DOCK7: variants seen among roughly 807,000 people sequenced by gnomAD.
DOCK7 encodes dedicator of cytokinesis protein 7.
In DOCK7, 138 loss-of-function variants were observed where a neutral mutation model predicts 271.0. The ratio of observed to expected loss-of-function variants is 0.51; its 90% CI spans 0.44 to 0.59. The LOEUF is 0.59. Among genes scored for constraint, DOCK7 ranks in the 20% least tolerant of loss-of-function variants. The pLI is 0.00. For missense variants in DOCK7, 2,066 were observed against 2,592.4 expected (o/e 0.80, Z 4.41); for synonymous variants, 823 against 876.1 (o/e 0.94, Z 1.07).
intron 14 of DOCK7, among the ~76,000 whole-genome samples, chr1:62,617,458 G>A (rs938137074): frequency 6.6e-6 from 1 of 151,930 alleles, no homozygotes; most frequent in African/African-American, 2.4e-5. Flanking sequence ...AAATAAGATA[G>A]CCAAATTAGT....
At chr1:62,653,682 C>A in intron 4 of DOCK7, 43 bp downstream of exon 4, 1 of 1,252,108 alleles carries the variant, frequency 8.0e-7, no homozygotes, top group Non-Finnish European at 1.2e-6. Context: ...ATTTAGAAAT[C>A]TTACTCAATA....
At chr1:62,520,774 A>G (rs1348849323) in intron 31 of DOCK7, among the ~76,000 whole-genome samples, 1 of 152,214 alleles carries the variant, frequency 6.6e-6, no homozygotes, top group East Asian at 1.9e-4. Context: ...AAGGATTATA[A>G]ATCATTCTAC....
At position 62,688,334 on chromosome 1, in the gene DOCK7, T is replaced by A. The variant is rs1557915874; in HGVS notation, c.-70A>T. ...GGGTGCGGACCGGCGGGCGCGTGCC[T>A]CCTCGCTCGTGCTCCCTCCCTCGCG... On this transcript the variant is annotated 5_prime_UTR_variant, in exon 1 of 50. Transcript: ENST00000635253. The A allele has an allele frequency of 1.9e-6, 2 of 1,042,472 alleles. No individual in the cohort carries two copies. Among genetic ancestry groups the A allele is most frequent in the Non-Finnish European group, 1.2e-6 (1 of 830,872 alleles). The allele number at this position is 1,042,472 out of a possible 1,614,324, so 64.6% of individuals were successfully genotyped here.
chr1:62,648,933 C>T (rs1185374691), intron 4 of DOCK7, among the ~76,000 whole-genome samples: 1 of 152,012 alleles, frequency 6.6e-6, no homozygotes, highest in Non-Finnish European at 1.5e-5. Flanking sequence ...AGGTTATATA[C>T]ATATAAAGCA....
At position 62,583,880 on chromosome 1, in the gene DOCK7, A is replaced by C. The variant is rs11207995; in HGVS notation, c.1801-626T>G. On this transcript the variant is annotated intron_variant, in intron 15 of 49. Transcript: ENST00000635253. Reference sequence around the variant, plus strand: ...TATAGATAAAGTAATTCAGCCTTGTATATCTGTCTCTTGACTTCTGGAGTA... The same window carrying C: ...TATAGATAAAGTAATTCAGCCTTGTCTATCTGTCTCTTGACTTCTGGAGTA... Among the ~76,000 whole-genome samples, 50,787 of 151,974 alleles carry C rather than the reference A, an allele frequency of 0.33. 8,663 individuals carry two copies. The highest frequency in any genetic ancestry group is 0.42 in the South Asian group (2,026 of 4,820).
At chr1:62,498,836 C>G (rs1220104864) in intron 37 of DOCK7, among the ~76,000 whole-genome samples, 2 of 151,538 alleles carry the variant, frequency 1.3e-5, no homozygotes. Context: ...GAGTCTTACT[C>G]TGTCACCCAG....
At chr1:62,526,797 A>T (rs2149367124) in intron 31 of DOCK7, among the ~76,000 whole-genome samples, 1 of 152,342 alleles carries the variant, frequency 6.6e-6, no homozygotes, top group Admixed American at 6.5e-5. Context: ...TCAAAAACTT[A>T]TGCTTAGTGA....
intron 37 of DOCK7, among the ~76,000 whole-genome samples, chr1:62,503,853 C>T (rs1218566597): frequency 6.6e-6 from 1 of 152,090 alleles, no homozygotes; most frequent in South Asian, 2.1e-4. Flanking sequence ...CGAGACCATC[C>T]TGGCTAACAT....
intron 14 of DOCK7, chr1:62,602,427 T>TTGCTA: frequency 6.5e-7 from 1 of 1,538,372 alleles, no homozygotes; most frequent in Non-Finnish European, 9.0e-7. Context: ...AATCTACAAA[T>TTGCTA]ATTTACTGAG....
chr1:62,455,204 A>C lies in DOCK7; in HGVS notation c.*210T>G. ...TACCTTTGAGTCATTAAAATGTCTT[A>C]AAAGATAACAGCTTGTTACCAGAAC... On this transcript the variant is annotated 3_prime_UTR_variant, in exon 50 of 50. Coordinates refer to ENST00000635253, the MANE Select transcript of DOCK7 (RefSeq NM_001367561.1). 1.5e-6 allele frequency: 1 copy of C among 665,154 alleles called. No homozygotes were observed. The highest frequency in any genetic ancestry group is 1.7e-5 in the South Asian group (1 of 58,150). The allele number at this position is 665,154 out of a possible 1,614,324, so 41.2% of individuals were successfully genotyped here. A position where few individuals can be genotyped will look rare whatever the true frequency, so the allele number is the denominator to read the frequency against.
intron 35 of DOCK7, among the ~76,000 whole-genome samples, 199 bp from the exon 36 acceptor site, chr1:62,506,015 G>A (rs143970771): frequency 2.6e-5 from 4 of 151,620 alleles, no homozygotes; most frequent in African/African-American, 9.7e-5. Context: ...GGGGGAAAAA[G>A]AATAAATATA....
At chr1:62,575,951 A>G (rs2149478637) in intron 18 of DOCK7, among the ~76,000 whole-genome samples, 1 of 152,314 alleles carries the variant, frequency 6.6e-6, no homozygotes, top group Middle Eastern at 3.4e-3. Flanking sequence ...ACAAATGGCC[A>G]CCTTTCTATA....
In DOCK7 at chr1:62,562,981, C is replaced by T. The variant is rs1646379198; in HGVS notation, c.2113-1278G>A. Among the ~76,000 whole-genome samples the T allele has an allele frequency of 2.6e-5, 4 of 152,280 alleles. No homozygotes were observed. In the South Asian group the frequency reaches 8.3e-4, roughly 32 times the overall value. Reference sequence around the variant, plus strand: ...GTACCCCTCTCCCCAACTCATGCTACACACATTGAGGTGCTATCAAAGAAG... The same window carrying T: ...GTACCCCTCTCCCCAACTCATGCTATACACATTGAGGTGCTATCAAAGAAG... On this transcript the variant is annotated intron_variant, in intron 18 of 49. Coordinates refer to ENST00000635253, the MANE Select transcript of DOCK7 (RefSeq NM_001367561.1).
Position 62,558,982 on chromosome 1 carries a change from AAATT to A in DOCK7, c.2431+3_2431+6del. The A allele has an allele frequency of 6.2e-7, 1 of 1,600,934 alleles. No individual in the cohort carries two copies. Among genetic ancestry groups the A allele is most frequent in the Non-Finnish European group, 8.5e-7 (1 of 1,169,832 alleles). On this transcript the variant is annotated splice_donor_5th_base_variant and intron_variant, in intron 20 of 49. Coordinates refer to ENST00000635253, the MANE Select transcript of DOCK7 (RefSeq NM_001367561.1). ...TCACGTCTCATCCCCAAACAAAAGT[AAATT>A]ACCTATTTGGCCAGCAATGACAGGA... is the stretch of plus-strand genomic sequence containing the variant.
intron 7 of DOCK7, among the ~76,000 whole-genome samples, chr1:62,639,348 C>G (rs1347276246): frequency 6.7e-6 from 1 of 150,076 alleles, no homozygotes; most frequent in African/African-American, 2.5e-5. Context: ...GGAAACACAG[C>G]AAGATCCAAT....
At chr1:62,671,612 TCTAA>T (rs1308885695) in intron 1 of DOCK7, among the ~76,000 whole-genome samples, 2 of 152,210 alleles carry the variant, frequency 1.3e-5, no homozygotes, top group Non-Finnish European at 2.9e-5. Context: ...GATGTTGGTT[TCTAA>T]CTGATTAAAA....
rs376620846 is a variant in DOCK7 at position 62,654,074 on chromosome 1, C to T, written c.230G>A (p.Arg77Gln). Residue 77 changes from arginine to glutamine, a missense_variant, in exon 3 of 50, where the codon CGG becomes CAG. Coordinates refer to ENST00000635253, the MANE Select transcript of DOCK7 (RefSeq NM_001367561.1). ...ATCTGGAGGAAATTCAATCAAATCC[C>T]GTAAAGGCCCAGAATCCACAGCCAA... Reference protein sequence around the residue: ...HPLAVDSGPLRDLIEFPPDDI... With the variant: ...HPLAVDSGPLQDLIEFPPDDI... 4.3e-5 allele frequency: 69 copies of T among 1,613,884 alleles called. No individual in the cohort carries two copies. In the South Asian group the frequency reaches 5.5e-4, roughly 13 times the overall value.
rs1432448872 is a variant in DOCK7 at position 62,663,263 on chromosome 1, AG to A, written c.39-134del. 4.5e-6 allele frequency: 3 copies of A among 669,930 alleles called. No individual in the cohort carries two copies. In the African/African-American group the frequency reaches 5.5e-5, roughly 12 times the overall value. 41.5% of individuals were successfully genotyped at this position (669,930 alleles called of 1,614,324 possible). Reference sequence around the variant, plus strand: ...AAAATCTCAGCATAACAATAAGGCTAGAAATTCGTAAAATATTTTAGGAAAT... The same window carrying A: ...AAAATCTCAGCATAACAATAAGGCTAAAATTCGTAAAATATTTTAGGAAAT... On this transcript the variant is annotated intron_variant, in intron 1 of 49. Transcript: ENST00000635253.
At chr1:62,665,527 A>G (rs1370442513) in intron 1 of DOCK7, among the ~76,000 whole-genome samples, 2 of 151,512 alleles carry the variant, frequency 1.3e-5, no homozygotes, top group African/African-American at 2.4e-5. Context: ...AACGTGGTGA[A>G]ACCCCGCCTC....
Sources: allele counts gnomAD v4.1 joint callset (sites outside exome capture counted in the v4.1 genomes callset), GRCh38; gene constraint gnomAD v4.1.1; transcripts MANE v1.5; gene names NCBI Gene and HGNC (gene_info 2026-07-23, HGNC 2026-07-21).